WAC: variants seen among roughly 807,000 people sequenced by gnomAD.
The protein encoded by WAC is WW domain containing adaptor with coiled-coil, also known as WW domain-containing adapter protein with coiled-coil.
Under a neutral mutation model 79.6 loss-of-function variants are expected in WAC, and 11 were observed. The observed-to-expected ratio is 0.14, with a 90% CI of 0.09 to 0.23. WAC has a LOEUF of 0.23. Among genes scored for constraint, WAC ranks in the 10% least tolerant of loss-of-function variants. The pLI is 1.00. For missense variants in WAC, 728 were observed against 773.5 expected (o/e 0.94, Z 0.70); for synonymous variants, 304 against 276.9 (o/e 1.10, Z -0.97).
At chr10:28,619,355 A>G (rs983355519) in intron 13 of WAC, among the ~76,000 whole-genome samples, 182 bp from the exon 14 acceptor site, 1 of 152,246 alleles carries the variant, frequency 6.6e-6, no homozygotes, top group Non-Finnish European at 1.5e-5. Context: ...AATAGATATT[A>G]TGTATTAAAT....
intron 7 of WAC, among the ~76,000 whole-genome samples, chr10:28,601,059 C>G (rs1272454354): frequency 6.6e-6 from 1 of 151,830 alleles, no homozygotes; most frequent in Non-Finnish European, 1.5e-5. Context: ...ATAACCAGAG[C>G]ACAGGCAACA....
chr10:28,600,924 C>T (rs1840612558), intron 7 of WAC, among the ~76,000 whole-genome samples: 1 of 151,674 alleles, frequency 6.6e-6, no homozygotes. Context: ...AGAGCTGTTG[C>T]ACCATATACA....
chr10:28,548,777 T>C (rs976222639), intron 3 of WAC, among the ~76,000 whole-genome samples: 2 of 152,216 alleles, frequency 1.3e-5, no homozygotes, highest in Non-Finnish European at 2.9e-5. Flanking sequence ...GAATATATGG[T>C]TGAAAATGTT....
intron 3 of WAC, among the ~76,000 whole-genome samples, chr10:28,567,305 G>T (rs965573485): frequency 6.6e-6 from 1 of 151,512 alleles, no homozygotes; most frequent in Non-Finnish European, 1.5e-5. Context: ...TACAGGCTTT[G>T]TGTGTGTTTG....
Position 28,576,933 on chromosome 10 carries a change from T to A in WAC, c.275-6466T>A, listed in dbSNP as rs1589185683. On this transcript the variant is annotated intron_variant, in intron 3 of 13. Coordinates refer to ENST00000354911, the MANE Select transcript of WAC (RefSeq NM_016628.5). ...GATATTTTGCATTTGTTTTTTTACC[T>A]AAGTCTTGGAATCTAGTATCTATTT... 2.0e-5 allele frequency among the ~76,000 whole-genome samples: 3 copies of A among 152,214 alleles called. No individual in the cohort carries two copies. In the South Asian group the frequency reaches 6.2e-4, roughly 31 times the overall value.
At chr10:28,615,425 A>T (rs1216996267) in intron 11 of WAC, 1 of 152,198 alleles carries the variant, frequency 6.6e-6, no homozygotes, top group Non-Finnish European at 1.5e-5. Flanking sequence ...CATTGCTCTG[A>T]ACATTTTTGG....
intron 3 of WAC, among the ~76,000 whole-genome samples, chr10:28,570,803 G>A (rs1343305679): frequency 6.6e-6 from 1 of 152,044 alleles, no homozygotes; most frequent in Non-Finnish European, 1.5e-5. Context: ...GGGAAAGGCT[G>A]ACTTATGAAT....
chr10:28,555,167 T>C (rs935342956), intron 3 of WAC, among the ~76,000 whole-genome samples: 1 of 152,182 alleles, frequency 6.6e-6, no homozygotes, highest in Non-Finnish European at 1.5e-5. Context: ...CCTTCTACTC[T>C]TCAGTATCTT....
intron 7 of WAC, among the ~76,000 whole-genome samples, chr10:28,604,215 C>G (rs1281361885): frequency 6.6e-6 from 1 of 150,496 alleles, no homozygotes; most frequent in Non-Finnish European, 1.5e-5. Context: ...AGTGTAAGGC[C>G]TACCTTCCCA....
At chr10:28,564,457 A>C (rs921058883) in intron 3 of WAC, among the ~76,000 whole-genome samples, 1 of 152,194 alleles carries the variant, frequency 6.6e-6, no homozygotes, top group Non-Finnish European at 1.5e-5. Context: ...GAGTGATGAA[A>C]ACACATTAGT....
intron 3 of WAC, among the ~76,000 whole-genome samples, chr10:28,556,388 A>ATTTTT (rs764934182): frequency 0.045 from 2,487 of 55,046 alleles, 388 homozygotes; most frequent in Non-Finnish European, 0.049. Flanking sequence ...TGCCCATTAA[A>ATTTTT]TTTTTTTTTT....
At chr10:28,581,922 G>A (rs905066572) in intron 3 of WAC, among the ~76,000 whole-genome samples, 2 of 152,264 alleles carry the variant, frequency 1.3e-5, no homozygotes, top group African/African-American at 4.8e-5. Flanking sequence ...TTAAAAGGGG[G>A]TTTAGGGTAT....
At chr10:28,596,650 C>T (rs1840384740) in intron 7 of WAC, among the ~76,000 whole-genome samples, 1 of 152,154 alleles carries the variant, frequency 6.6e-6, no homozygotes, top group African/African-American at 2.4e-5. Context: ...GAAGGTGTGA[C>T]ACAACATAAG....
intron 3 of WAC, among the ~76,000 whole-genome samples, chr10:28,573,460 T>A: frequency 6.6e-6 from 1 of 152,240 alleles, no homozygotes; most frequent in East Asian, 1.9e-4. Context: ...GTTTTACATA[T>A]CAGTACTTAG....
chr10:28,535,466 A>G (rs1226315863), intron 2 of WAC, 96 bp from the exon 3 acceptor site: 3 of 1,383,400 alleles, frequency 2.2e-6, no homozygotes, highest in Non-Finnish European at 2.9e-6. Context: ...GTAAGTTCAT[A>G]AAATTTAATG....
At chr10:28,541,421 T>TG (rs1564372851) in intron 3 of WAC, among the ~76,000 whole-genome samples, 38 of 29,052 alleles carry the variant, frequency 1.3e-3, no homozygotes, top group South Asian at 1.5e-3. Flanking sequence ...GTGTGTTTTG[T>TG]TTTTTTTTTT....
rs181342897 is a variant in WAC, at chr10:28,606,431, G to T, written c.920-1755G>T. Among the ~76,000 whole-genome samples the T allele has an allele frequency of 1.2e-4, 18 of 152,274 alleles. No individual in the cohort carries two copies. In the East Asian group the frequency reaches 3.3e-3, roughly 28 times the overall value. Reference sequence around the variant, plus strand: ...AGAACAGTAAAGCTGAAAATAATAGGCAGTCTGCTGGATTCAAGCACCTTC... The same window carrying T: ...AGAACAGTAAAGCTGAAAATAATAGTCAGTCTGCTGGATTCAAGCACCTTC... On this transcript the variant is annotated intron_variant, in intron 7 of 13. Transcript: ENST00000354911.
rs540134112 is a variant in WAC, at chr10:28,571,267, C to T, written c.275-12132C>T. Among the ~76,000 whole-genome samples, 9 of 151,774 alleles carry T rather than the reference C, an allele frequency of 5.9e-5. 1 individual carries two copies. In the South Asian group the frequency reaches 8.4e-4, roughly 14 times the overall value. On this transcript the variant is annotated intron_variant, in intron 3 of 13. Coordinates refer to ENST00000354911, the MANE Select transcript of WAC (RefSeq NM_016628.5). ...CTTTTCATGTGCTTTTTTGTGATGC[C>T]GCGAGTACTATTCAGAAGCATCGAA...
chr10:28,538,664 A>C (rs146631868), intron 3 of WAC, among the ~76,000 whole-genome samples: 1 of 150,812 alleles, frequency 6.6e-6, no homozygotes, highest in Non-Finnish European at 1.5e-5. Context: ...TTGAGATGGG[A>C]AGGTCCTTTG....
Sources: allele counts gnomAD v4.1 joint callset (sites outside exome capture counted in the v4.1 genomes callset), GRCh38; gene constraint gnomAD v4.1.1; transcripts MANE v1.5; gene names NCBI Gene and HGNC (gene_info 2026-07-23, HGNC 2026-07-21).